PPP1R13L: variants seen among roughly 807,000 people sequenced by gnomAD.
PPP1R13L encodes relA-associated inhibitor.
PPP1R13L carries 50 observed loss-of-function variants against 80.9 expected under a neutral mutation model. That is an observed-to-expected ratio of 0.62 (90% confidence interval 0.49 to 0.78). The LOEUF (loss-of-function observed/expected upper bound fraction) is 0.78, where lower values mean the gene tolerates loss of function less well. Ranked by LOEUF, PPP1R13L falls within the 30% of genes least tolerant of loss-of-function variation. The pLI, the probability that PPP1R13L is intolerant of heterozygous loss-of-function variation, is 0.00. For synonymous variants in PPP1R13L, 602 were observed against 534.3 expected (o/e 1.13, Z -1.75); for missense variants, 1,200 against 1,205.9 (o/e 1.00, Z 0.07).
chr19:45,385,486 A>C (rs1460071471), intron 11 of PPP1R13L, 76 bp downstream of exon 11: 5 of 1,427,296 alleles, frequency 3.5e-6, no homozygotes, highest in Non-Finnish European at 4.7e-6. Flanking sequence ...TTCTCTCCCT[A>C]GTAGGGGGTA....
At chr19:45,405,996 A>C (rs1296447181), upstream of PPP1R13L, among the ~76,000 whole-genome samples, 1 of 152,140 alleles carries the variant, frequency 6.6e-6, no homozygotes, top group Non-Finnish European at 1.5e-5. Flanking sequence ...GAGGGCATCT[A>C]CAAGTCCCAT....
At chr19:45,405,763 C>G (rs747070318), upstream of PPP1R13L, among the ~76,000 whole-genome samples, 3 of 152,220 alleles carry the variant, frequency 2.0e-5, no homozygotes, top group Non-Finnish European at 4.4e-5. Context: ...GTGGCGCTGA[C>G]ACACTGGCCA....
chr19:45,382,996 C>CTTTCTTTTT (rs569515406), intron 11 of PPP1R13L, among the ~76,000 whole-genome samples: 12 of 126,272 alleles, frequency 9.5e-5, no homozygotes, highest in African/African-American at 3.8e-4. Flanking sequence ...TCTTTTCTTT[C>CTTTCTTTTT]TTTTTTTTTT....
chr19:45,395,726 G>A lies in PPP1R13L; in HGVS notation c.1064C>T (p.Pro355Leu), dbSNP rs1158700043. 1.3e-6 allele frequency: 2 copies of A among 1,506,528 alleles called. No individual in the cohort carries two copies. Among genetic ancestry groups the A allele is most frequent in the African/African-American group, 2.7e-5 (2 of 72,730 alleles). The allele number at this position is 1,506,528 out of a possible 1,614,324, so 93.3% of individuals were successfully genotyped here. A position where few individuals can be genotyped will look rare whatever the true frequency, so the allele number is the denominator to read the frequency against. Reference protein sequence around the residue: ...SWQPVSRIPMPPSSPQPRGAP... With the variant: ...SWQPVSRIPMLPSSPQPRGAP... ...CCCGCGGGGCTGGGGGCTGGAGGGG[G>A]GCATGGGGATGCGGCTGACGGGCTG... Residue 355 changes from proline (P) to leucine (L), a missense_variant, in exon 7 of 13, where the codon CCC becomes CTC. Physicochemically the swap from Pro to Leu is moderately conservative, Grantham distance 98 (BLOSUM62 -3). Transcript: ENST00000360957.
At chr19:45,394,836 A>G (rs1973047578) in intron 7 of PPP1R13L, 1 of 141,574 alleles carries the variant, frequency 7.1e-6, no homozygotes, top group Non-Finnish European at 1.5e-5. Flanking sequence ...GATCGATTCT[A>G]TCATTATTTG....
At chr19:45,389,934 C>T (rs1568556422) in intron 8 of PPP1R13L, among the ~76,000 whole-genome samples, 1 of 151,176 alleles carries the variant, frequency 6.6e-6, no homozygotes, top group Non-Finnish European at 1.5e-5. Flanking sequence ...GCTGGGACTA[C>T]AGGCGCCCGC....
At chr19:45,398,190 G>C (rs1347238613) in intron 2 of PPP1R13L, 43 bp from the exon 3 acceptor site, 1 of 1,612,332 alleles carries the variant, frequency 6.2e-7, no homozygotes, top group South Asian at 1.1e-5. Flanking sequence ...CCTCCTGGCA[G>C]GGGCCGGCCT....
chr19:45,382,617 G>A lies in PPP1R13L; in HGVS notation c.2358C>T (p.Thr786=). The A allele has an allele frequency of 6.2e-7, 1 of 1,613,762 alleles. No homozygotes were observed. Among genetic ancestry groups the A allele is most frequent in the Non-Finnish European group, 8.5e-7 (1 of 1,180,026 alleles). The change falls in exon 12 of 13, where the codon ACC becomes ACT. Residue 786 remains threonine, a synonymous_variant. Transcript: ENST00000360957. ...ELSFREGESV[T]VLRRDGPEET... ...CCTCCGGCCCGTCCCTCCGCAGCAC[G>A]GTGACCGACTCGCCCTCGCGGAAGG... is the stretch of plus-strand genomic sequence containing the variant.
intron 1 of PPP1R13L, among the ~76,000 whole-genome samples, chr19:45,402,828 G>T (rs1973260340): frequency 6.6e-6 from 1 of 152,168 alleles, no homozygotes; most frequent in Admixed American, 6.5e-5. Flanking sequence ...GGCCTCCTCT[G>T]CACCCCAGCC....
chr19:45,396,819 G>A lies in PPP1R13L; in HGVS notation c.438C>T (p.Phe146=), dbSNP rs1380686712. Residue 146 remains phenylalanine, a synonymous_variant, in exon 4 of 13, where the codon TTC becomes TTT. Transcript: ENST00000360957. This position sits in a 1 kb window ranked among gnomAD's most constrained non-coding sequence, Gnocchi z 5.3. ...GGCCGAGGGAGCTGCCTGCGCCATC[G>A]AAGGCGCGGGGCCGGGGCGAGGTCG... The part of the protein sequence containing the change: ...DRATSPRPRA[F]DGAGSSLGRA... The A allele has an allele frequency of 3.4e-6, 5 of 1,449,992 alleles. 1 individual carries two copies. The South Asian group carries it at 5.5e-5, about 16-fold the overall frequency. 89.8% of individuals were successfully genotyped at this position (1,449,992 alleles called of 1,614,324 possible).
chr19:45,397,686 G>A (rs1293571667), intron 3 of PPP1R13L, among the ~76,000 whole-genome samples: 3 of 151,500 alleles, frequency 2.0e-5, no homozygotes, highest in Non-Finnish European at 4.4e-5. Context: ...TTAAACTCCT[G>A]ACCTCAAGTG....
At position 45,385,544 on chromosome 19, in the gene PPP1R13L, A is replaced by T; in HGVS notation, c.2248+18T>A. 1 of 1,599,044 alleles carries T rather than the reference A, an allele frequency of 6.3e-7. No individual in the cohort carries two copies. Among genetic ancestry groups the T allele is most frequent in the Non-Finnish European group, 8.5e-7 (1 of 1,171,090 alleles). ...CGCACCCGCCAGGTACCCAGGCGCC[A>T]GCAGCCCTGCCTCGCACCTGCCAGG... On this transcript the variant is annotated intron_variant, in intron 11 of 12. Coordinates refer to ENST00000360957, the MANE Select transcript of PPP1R13L (RefSeq NM_006663.4).
At chr19:45,397,407 T>C (rs1330673742) in intron 3 of PPP1R13L, among the ~76,000 whole-genome samples, 1 of 151,178 alleles carries the variant, frequency 6.6e-6, no homozygotes, top group African/African-American at 2.4e-5. Context: ...TCTCTCTCCT[T>C]CCTTCCTTTC....
intron 1 of PPP1R13L, among the ~76,000 whole-genome samples, chr19:45,402,793 G>A (rs1047538823): frequency 6.6e-6 from 1 of 152,106 alleles, no homozygotes; most frequent in Admixed American, 6.5e-5. Flanking sequence ...TCCTCTCTCC[G>A]CTCCACCCCT....
chr19:45,398,334 G>C lies in PPP1R13L; in HGVS notation c.-16C>G. The C allele has an allele frequency of 2.5e-6, 4 of 1,613,098 alleles. No homozygotes were observed. The highest frequency in any genetic ancestry group is 3.4e-6 in the Non-Finnish European group (4 of 1,179,854). The stretch of plus-strand genomic sequence containing the variant: ...CGCTGTCCATGGTGCCGGCCGGAGC[G>C]GGCGCCTGCATGGTGGGGAGGGAGG... On this transcript the variant is annotated 5_prime_UTR_variant, in exon 2 of 13. Coordinates refer to ENST00000360957, the MANE Select transcript of PPP1R13L (RefSeq NM_006663.4).
At chr19:45,387,259 C>A (rs1725365036) in intron 8 of PPP1R13L, among the ~76,000 whole-genome samples, 1 of 151,904 alleles carries the variant, frequency 6.6e-6, no homozygotes, top group African/African-American at 2.4e-5. Context: ...CAGAGTGAGA[C>A]CCAGTCTCAA....
intron 8 of PPP1R13L, among the ~76,000 whole-genome samples, chr19:45,389,069 C>A (rs1972920525): frequency 6.6e-6 from 1 of 152,140 alleles, no homozygotes. Flanking sequence ...GTGTTCAAAC[C>A]TTTAAATGCT....
rs777898158 is a variant in PPP1R13L at position 45,396,602 on chromosome 19, C to G, written c.655G>C (p.Gly219Arg). The G allele has an allele frequency of 6.7e-7, 1 of 1,494,356 alleles. No individual in the cohort carries two copies. Among genetic ancestry groups the G allele is most frequent in the African/African-American group, 1.4e-5 (1 of 71,380 alleles). The allele number at this position is 1,494,356 out of a possible 1,614,324, so 92.6% of individuals were successfully genotyped here. A position where few individuals can be genotyped will look rare whatever the true frequency, so the allele number is the denominator to read the frequency against. Residue 219 changes from glycine to arginine, a missense_variant, in exon 4 of 13, where the codon GGG (glycine) becomes CGG (arginine). Transcript: ENST00000360957. The surrounding 1 kb of genome is among the most constrained non-coding windows in gnomAD (Gnocchi z 5.3). ...CCGCCGGAGCCTAGCAGGGAGCTCC[C>G]GAAGGCGGACGCTGGCGCGTCGTAG... ...TAYDAPASAF[G>R]SSLLGSGGSA...
At position 45,396,789 on chromosome 19, in the gene PPP1R13L, C is replaced by T; in HGVS notation, c.468G>A (p.Ala156=). The part of the protein sequence containing the change: ...FDGAGSSLGR[A]PSPRPGPGPL... The stretch of plus-strand genomic sequence containing the variant: ...GGCCTGGCCCGGGCCGCGGGGAGGG[C>T]GCACGGCCGAGGGAGCTGCCTGCGC... Residue 156 remains alanine (A), a synonymous_variant, in exon 4 of 13, where the codon GCG becomes GCA. Transcript: ENST00000360957. The surrounding 1 kb of genome is among the most constrained non-coding windows in gnomAD (Gnocchi z 5.3). 1 of 1,374,072 alleles carries T rather than the reference C, an allele frequency of 7.3e-7. No individual in the cohort carries two copies. The highest frequency in any genetic ancestry group is 9.3e-7 in the Non-Finnish European group (1 of 1,073,816). The allele number at this position is 1,374,072 out of a possible 1,614,324, so 85.1% of individuals were successfully genotyped here. A position where few individuals can be genotyped will look rare whatever the true frequency, so the allele number is the denominator to read the frequency against.
Sources: gnomAD v4.1 joint callset for allele counts (sites outside exome capture counted in the v4.1 genomes callset) on GRCh38, gnomAD v4.1.1 for gene constraint, Gnocchi (gnomAD v3.1) non-coding constraint, MANE v1.5 for transcripts, NCBI Gene and HGNC (gene_info 2026-07-23, HGNC 2026-07-21) for gene names.